CACNA1C: variants seen among roughly 807,000 people sequenced by gnomAD.
CACNA1C encodes calcium voltage-gated channel subunit alpha1 C.
Under a neutral mutation model 229.0 loss-of-function variants are expected in CACNA1C, and 30 were observed. The observed-to-expected ratio is 0.13, with a 90% confidence interval of 0.10 to 0.18. The LOEUF (loss-of-function observed/expected upper bound fraction) is 0.18. Among genes scored for constraint, CACNA1C ranks in the 10% least tolerant of loss-of-function variants. The pLI, the probability that CACNA1C is intolerant of heterozygous loss-of-function variation, is 1.00. For missense variants in CACNA1C, 1,658 were observed against 2,845.0 expected (o/e 0.58, Z 9.49); for synonymous variants, 1,114 against 1,132.5 (o/e 0.98, Z 0.33).
chr12:2,411,936 T>C (rs1263938542), intron 3 of CACNA1C, among the ~76,000 whole-genome samples: 1 of 152,144 alleles, frequency 6.6e-6, no homozygotes, highest in Non-Finnish European at 1.5e-5. Context: ...TTAGATAGCC[T>C]CTCCCTCCTG....
intron 3 of CACNA1C, among the ~76,000 whole-genome samples, chr12:2,163,849 A>T (rs1470953558): frequency 6.6e-6 from 1 of 152,148 alleles, no homozygotes; most frequent in African/African-American, 2.4e-5. Context: ...CTAAAACATA[A>T]CTGGAGCCAC....
At chr12:2,333,152 T>C (rs1179514049) in intron 3 of CACNA1C, among the ~76,000 whole-genome samples, 1 of 152,192 alleles carries the variant, frequency 6.6e-6, no homozygotes, top group Non-Finnish European at 1.5e-5. Context: ...GTGGCACACC[T>C]ACAGGTCTTG....
intron 29 of CACNA1C, chr12:2,612,348 G>A: frequency 5.0e-6 from 1 of 200,932 alleles, no homozygotes; most frequent in Non-Finnish European, 1.0e-5. Flanking sequence ...CCTGTTAATA[G>A]AAGAAACTAT....
intron 8 of CACNA1C, among the ~76,000 whole-genome samples, chr12:2,508,047 G>A (rs985864059): frequency 2.0e-5 from 3 of 152,220 alleles, no homozygotes; most frequent in African/African-American, 4.8e-5. Context: ...GAAGGCAACC[G>A]CCCAGAGGCC....
intron 1 of CACNA1C, among the ~76,000 whole-genome samples, chr12:1,984,556 T>C (rs1033207594): frequency 9.9e-5 from 15 of 152,068 alleles, no homozygotes; most frequent in African/African-American, 3.6e-4. Context: ...CACATCCGTA[T>C]ACACTGAACC....
At position 2,512,736 on chromosome 12, in the gene CACNA1C, T is replaced by C. The variant is rs1260426291; in HGVS notation, c.1218-76T>C. 4 of 1,131,768 alleles carry C rather than the reference T, an allele frequency of 3.5e-6. No homozygotes were observed. The East Asian group carries it at 7.6e-5, about 22-fold the overall frequency. 70.1% of individuals were successfully genotyped at this position (1,131,768 alleles called of 1,614,324 possible). On this transcript the variant is annotated intron_variant, in intron 8 of 46. Transcript: ENST00000399655. This position sits in a 1 kb window ranked among gnomAD's most constrained non-coding sequence, Gnocchi z 4.3. ...TGTTTCTCCTTATCTCCATCTCTCC[T>C]TCCATCCTCGACCCTTCTCGGTGCT... is the stretch of plus-strand genomic sequence containing the variant.
chr12:2,550,630 T>C lies in CACNA1C; in HGVS notation c.1481+597T>C, dbSNP rs759708032. 2.2e-6 allele frequency: 3 copies of C among 1,351,054 alleles called. No individual in the cohort carries two copies. In the South Asian group the frequency reaches 3.4e-5, roughly 15 times the overall value. The allele number at this position is 1,351,054 out of a possible 1,614,324, so 83.7% of individuals were successfully genotyped here. A position where few individuals can be genotyped will look rare whatever the true frequency, so the allele number is the denominator to read the frequency against. Reference sequence around the variant, plus strand: ...AACTCACCCTGGCCTCTGGAAGAACTGCAAACAGAGGCTCTGAGTCAGACC... The same window carrying C: ...AACTCACCCTGGCCTCTGGAAGAACCGCAAACAGAGGCTCTGAGTCAGACC... On this transcript the variant is annotated intron_variant, in intron 10 of 46. Coordinates refer to ENST00000399655, the MANE Select transcript of CACNA1C (RefSeq NM_000719.7).
intron 1 of CACNA1C, among the ~76,000 whole-genome samples, chr12:1,975,496 G>C (rs2034049622): frequency 1.3e-5 from 2 of 152,154 alleles, no homozygotes; most frequent in East Asian, 1.9e-4. Context: ...ATAGATAAAG[G>C]GTAGGGAAAC....
At position 2,310,681 on chromosome 12, in the gene CACNA1C, G is replaced by A. The variant is rs185102047; in HGVS notation, c.478-138295G>A. 1.3e-3 allele frequency among the ~76,000 whole-genome samples: 197 copies of A among 152,298 alleles called. 3 individuals are homozygous for A. The highest frequency in any genetic ancestry group is 1.8e-3 in the Non-Finnish European group (120 of 68,024). On this transcript the variant is annotated intron_variant, in intron 3 of 46. Transcript: ENST00000399655. ...CCTAAAGGCAGGGGGATGGACTAGA[G>A]GAAACCTGCAAGGGCTTTCGACTCA...
intron 6 of CACNA1C, among the ~76,000 whole-genome samples, chr12:2,492,624 G>A (rs1275658835): frequency 3.3e-5 from 5 of 152,210 alleles, no homozygotes; most frequent in Admixed American, 6.5e-5. Context: ...AGTGACTTGC[G>A]TCCCTGGCAA....
At chr12:2,044,703 G>A (rs2050770103) in intron 1 of CACNA1C, among the ~76,000 whole-genome samples, 1 of 152,166 alleles carries the variant, frequency 6.6e-6, no homozygotes, top group Admixed American at 6.5e-5. Flanking sequence ...AATTACAAGA[G>A]TGCATCATCT....
chr12:2,338,353 T>C (rs1319476400), intron 3 of CACNA1C, among the ~76,000 whole-genome samples: 1 of 151,976 alleles, frequency 6.6e-6, no homozygotes, highest in African/African-American at 2.4e-5. Flanking sequence ...GACCCCAGGG[T>C]GGGCGCCTTG....
intron 3 of CACNA1C, among the ~76,000 whole-genome samples, chr12:2,213,651 G>T (rs575906003): frequency 6.6e-6 from 1 of 152,360 alleles, no homozygotes; most frequent in African/African-American, 2.4e-5. Flanking sequence ...CAGACACCGT[G>T]TGGAGCTATC....
intron 1 of CACNA1C, among the ~76,000 whole-genome samples, chr12:2,084,290 C>T (rs962554898): frequency 2.0e-5 from 3 of 152,152 alleles, no homozygotes; most frequent in African/African-American, 7.2e-5. Context: ...TCACTAACTT[C>T]AACACGCAGC....
chr12:2,296,336 A>G (rs1255649349), intron 3 of CACNA1C, among the ~76,000 whole-genome samples: 1 of 152,200 alleles, frequency 6.6e-6, no homozygotes, highest in Non-Finnish European at 1.5e-5. Context: ...CATCTCTGTA[A>G]CAGTCTGGCC....
At position 2,215,033 on chromosome 12, in the gene CACNA1C, C is replaced by T. The variant is rs987692989; in HGVS notation, c.477+94603C>T. ...CTGGAGCACCTCATGGGTGTGAAGT[C>T]GGGAGGAGCCGGAGGCAGTGAGGAC... On this transcript the variant is annotated intron_variant, in intron 3 of 46. Transcript: ENST00000399655. This position sits in a 1 kb window ranked among gnomAD's most constrained non-coding sequence, Gnocchi z 5.0. 1.3e-5 allele frequency among the ~76,000 whole-genome samples: 2 copies of T among 151,966 alleles called. No homozygotes were observed. Among genetic ancestry groups the T allele is most frequent in the African/African-American group, 4.8e-5 (2 of 41,348 alleles).
At chr12:2,295,504 TC>T (rs2154463525) in intron 3 of CACNA1C, among the ~76,000 whole-genome samples, 1 of 152,306 alleles carries the variant, frequency 6.6e-6, no homozygotes, top group African/African-American at 2.4e-5. Context: ...TTCTTGTACT[TC>T]CTTTAGTCCC....
chr12:2,083,903 G>T (rs1299364018), intron 1 of CACNA1C, among the ~76,000 whole-genome samples: 1 of 152,148 alleles, frequency 6.6e-6, no homozygotes, highest in Admixed American at 6.5e-5. Flanking sequence ...ACGAGGCACT[G>T]GGAATAAAAC....
intron 13 of CACNA1C, among the ~76,000 whole-genome samples, chr12:2,570,507 T>A (rs2053771285): frequency 6.6e-6 from 1 of 152,174 alleles, no homozygotes. Flanking sequence ...ACTGCTATTA[T>A]TAGAAGGAAG....
Sources: gnomAD v4.1 joint callset for allele counts (sites outside exome capture counted in the v4.1 genomes callset) on GRCh38, gnomAD v4.1.1 for gene constraint, Gnocchi (gnomAD v3.1) non-coding constraint, MANE v1.5 for transcripts, NCBI Gene and HGNC (gene_info 2026-07-23, HGNC 2026-07-21) for gene names.